The following IPO5 variants were observed in gnomAD, a reference collection of about 807,000 sequenced individuals.
IPO5 encodes the protein importin 5, also known as importin-5.
IPO5 carries 18 observed loss-of-function variants against 143.3 expected under a neutral mutation model. That is an observed-to-expected ratio of 0.13 (90% CI 0.09 to 0.19). IPO5 has a LOEUF of 0.19. IPO5 is among the 10% of genes least tolerant of loss of function. The pLI is 1.00. For missense variants in IPO5, 1,013 were observed against 1,336.9 expected, an observed-to-expected ratio of 0.76 and a Z score of 3.78; for synonymous variants, 477 against 465.7, an observed-to-expected ratio of 1.02 and a Z score of -0.31.
intron 27 of IPO5, among the ~76,000 whole-genome samples, chr13:98,020,588 C>G (rs1344970051): frequency 6.6e-6 from 1 of 152,204 alleles, no homozygotes; most frequent in East Asian, 1.9e-4. Context: ...AATTCGCTAT[C>G]AGGTTTTTTC....
chr13:97,988,437 A>G (rs1233101910), intron 6 of IPO5, among the ~76,000 whole-genome samples: 3 of 152,210 alleles, frequency 2.0e-5, no homozygotes, highest in Admixed American at 6.5e-5. Flanking sequence ...GAGTCAGTCA[A>G]TCAGATATTT....
At chr13:97,995,222 G>A (rs1888170020) in intron 11 of IPO5, among the ~76,000 whole-genome samples, 1 of 150,366 alleles carries the variant, frequency 6.7e-6, no homozygotes, top group Non-Finnish European at 1.5e-5. Flanking sequence ...TGGGGAACAG[G>A]TGGTGTTTGG....
chr13:98,017,089 T>A (rs532056339), intron 25 of IPO5, among the ~76,000 whole-genome samples: 30 of 152,106 alleles, frequency 2.0e-4, no homozygotes, highest in African/African-American at 7.2e-4. Flanking sequence ...ATCTGAAAGA[T>A]ATATAAGTGA....
chr13:97,992,862 A>G (rs1204087594), intron 9 of IPO5, 30 bp from the exon 10 acceptor site: 1 of 1,588,032 alleles, frequency 6.3e-7, no homozygotes, highest in East Asian at 2.3e-5. Context: ...GTGAATCTTC[A>G]GCACCGACTT....
rs1413763149 is a variant in IPO5, at chr13:98,022,177, A to G, written c.*355A>G. The G allele has an allele frequency of 6.0e-6, 1 of 167,630 alleles. No individual in the cohort carries two copies. Among genetic ancestry groups the G allele is most frequent in the Non-Finnish European group, 1.3e-5 (1 of 77,644 alleles). The allele number at this position is 167,630 out of a possible 1,614,324, so 10.4% of individuals were successfully genotyped here. On this transcript the variant is annotated 3_prime_UTR_variant, in exon 29 of 29. Transcript: ENST00000651721. ...CTTTAAGAACAGTTACTCAGCGTAG[A>G]TGTGTGTTCACACAAATTGCTCTGC...
chr13:97,960,013 C>G (rs376247895), intron 2 of IPO5, among the ~76,000 whole-genome samples: 1 of 152,154 alleles, frequency 6.6e-6, no homozygotes. Flanking sequence ...TAAACAAATA[C>G]TACTGCAGTT....
chr13:98,008,163 TGCTTTGATCC>T (rs1889421513), intron 18 of IPO5, 21 bp downstream of exon 18: 1 of 1,414,840 alleles, frequency 7.1e-7, no homozygotes, highest in Admixed American at 1.7e-5. Context: ...TTAATGCATT[TGCTTTGATCC>T]GCTAATGAGT....
At chr13:97,958,401 C>G (rs1047055983) in intron 2 of IPO5, among the ~76,000 whole-genome samples, 3 of 152,110 alleles carry the variant, frequency 2.0e-5, no homozygotes, top group Non-Finnish European at 2.9e-5. Context: ...AGTCACAAAA[C>G]CTGGGCATTC....
intron 4 of IPO5, among the ~76,000 whole-genome samples, chr13:97,977,271 C>T (rs1166279898): frequency 1.3e-5 from 2 of 152,212 alleles, no homozygotes; most frequent in South Asian, 2.1e-4. Flanking sequence ...CCCACACCGT[C>T]TGTCCCTCTC....
chr13:97,966,072 T>C (rs140259526), intron 2 of IPO5, among the ~76,000 whole-genome samples: 1,530 of 94,694 alleles, frequency 0.016, 7 homozygotes, highest in Non-Finnish European at 0.023. Context: ...ACCAGGGAGA[T>C]GGAAGTTGCA....
At chr13:97,971,232 T>C (rs1230799675) in intron 3 of IPO5, among the ~76,000 whole-genome samples, 1 of 152,238 alleles carries the variant, frequency 6.6e-6, no homozygotes, top group Admixed American at 6.5e-5. Context: ...AAAATTTCCC[T>C]GCCTGTGTTC....
At chr13:98,010,267 A>G in intron 20 of IPO5, 43 bp downstream of exon 20, 1 of 1,573,132 alleles carries the variant, frequency 6.4e-7, no homozygotes, top group Non-Finnish European at 8.7e-7. Context: ...TTTACATCTT[A>G]TATACATTTC....
At chr13:97,986,269 A>G (rs557148924) in intron 6 of IPO5, among the ~76,000 whole-genome samples, 1 of 152,318 alleles carries the variant, frequency 6.6e-6, no homozygotes, top group East Asian at 1.9e-4. Flanking sequence ...AGTTGAACTA[A>G]AAATCAGAGA....
chr13:97,977,015 G>A, intron 4 of IPO5: 1 of 206,726 alleles, frequency 4.8e-6, no homozygotes. Context: ...CCCCGCCGCC[G>A]CTCGCACCCA....
intron 11 of IPO5, among the ~76,000 whole-genome samples, chr13:97,997,063 TA>T (rs1373380898): frequency 6.6e-6 from 1 of 152,212 alleles, no homozygotes; most frequent in African/African-American, 2.4e-5. Context: ...TATGTTTATA[TA>T]ATGGAATGCT....
intron 2 of IPO5, among the ~76,000 whole-genome samples, chr13:97,957,927 G>A (rs1884571913): frequency 6.6e-6 from 1 of 152,070 alleles, no homozygotes; most frequent in South Asian, 2.1e-4. Flanking sequence ...GGAGATTGCA[G>A]TGAGCCGAGA....
rs1890067972 is a variant in IPO5, at chr13:98,015,516, C to G, written c.2326-14C>G. 6.7e-7 allele frequency: 1 copy of G among 1,496,550 alleles called. No individual in the cohort carries two copies. 92.7% of individuals were successfully genotyped at this position (1,496,550 alleles called of 1,614,324 possible). A position where few individuals can be genotyped will look rare whatever the true frequency, so the allele number is the denominator to read the frequency against. On this transcript the variant is annotated splice_polypyrimidine_tract_variant and intron_variant, in intron 22 of 28. Coordinates refer to ENST00000651721, the MANE Select transcript of IPO5 (RefSeq NM_002271.6). ...CAAATCTTATGGATTGCTTTCTTTC[C>G]TCAACCTCATTAGTGCATTGAAGTA...
In IPO5 at chr13:98,022,206, C is replaced by T. The variant is rs1017545140; in HGVS notation, c.*384C>T. The T allele has an allele frequency of 3.8e-5, 6 of 156,960 alleles. No individual in the cohort carries two copies. Among genetic ancestry groups the T allele is most frequent in the Admixed American group, 1.3e-4 (2 of 15,528 alleles). The allele number at this position is 156,960 out of a possible 1,614,324, so 9.7% of individuals were successfully genotyped here. A position where few individuals can be genotyped will look rare whatever the true frequency, so the allele number is the denominator to read the frequency against. The stretch of plus-strand genomic sequence containing the variant: ...GTGTTCACACAAATTGCTCTGCATT[C>T]AGTGTTCATTGTGAATTGGGAGTGT... On this transcript the variant is annotated 3_prime_UTR_variant, in exon 29 of 29. Coordinates refer to ENST00000651721, the MANE Select transcript of IPO5 (RefSeq NM_002271.6).
At chr13:98,020,579 A>T (rs1015500886) in intron 27 of IPO5, among the ~76,000 whole-genome samples, 6 of 152,232 alleles carry the variant, frequency 3.9e-5, no homozygotes, top group Non-Finnish European at 7.3e-5. Flanking sequence ...GAATTCTTAA[A>T]TTCGCTATCA....
Sources: allele counts gnomAD v4.1 joint callset (sites outside exome capture counted in the v4.1 genomes callset), GRCh38; gene constraint gnomAD v4.1.1; transcripts MANE v1.5; gene names NCBI Gene and HGNC (gene_info 2026-07-23, HGNC 2026-07-21).